TPO: variants seen among roughly 807,000 people sequenced by gnomAD.
The protein encoded by TPO is thyroid peroxidase.
Under a neutral mutation model 96.9 loss-of-function variants are expected in TPO, and 78 were observed. The ratio of observed to expected loss-of-function variants is 0.81; its 90% CI spans 0.67 to 0.97. The LOEUF (loss-of-function observed/expected upper bound fraction) is 0.97, where lower values mean the gene tolerates loss of function less well. Ranked by LOEUF, TPO falls within the 50% of genes least tolerant of loss-of-function variation. The pLI is 0.00. For missense variants in TPO, 1,252 were observed against 1,274.8 expected, an observed-to-expected ratio of 0.98 and a Z score of 0.27; for synonymous variants, 547 against 538.0, an observed-to-expected ratio of 1.02 and a Z score of -0.23.
At chr2:1,416,674 T>C (rs905219942) in intron 2 of TPO, among the ~76,000 whole-genome samples, 5 of 152,248 alleles carry the variant, frequency 3.3e-5, no homozygotes, top group African/African-American at 1.2e-4. Context: ...AGCTGACTTA[T>C]TGTTTGCTTG....
intron 2 of TPO, among the ~76,000 whole-genome samples, chr2:1,420,916 T>G (rs2148426893): frequency 6.6e-6 from 1 of 152,210 alleles, no homozygotes; most frequent in South Asian, 2.1e-4. Context: ...GGCTTCTTGC[T>G]TGGGGACTTG....
intron 1 of TPO, among the ~76,000 whole-genome samples, chr2:1,392,570 G>A (rs1662019136): frequency 1.3e-5 from 2 of 152,188 alleles, no homozygotes; most frequent in South Asian, 4.1e-4. Flanking sequence ...AATAGTGTCA[G>A]AAGGAATGGT....
intron 14 of TPO, among the ~76,000 whole-genome samples, chr2:1,515,233 G>A (rs1324365683): frequency 6.6e-6 from 1 of 152,220 alleles, no homozygotes; most frequent in Non-Finnish European, 1.5e-5. Context: ...CCATGGGGGT[G>A]AGAGCGAGTA....
intron 8 of TPO, chr2:1,477,962 T>G (rs1175459411): frequency 1.0e-6 from 1 of 984,770 alleles, no homozygotes; most frequent in Non-Finnish European, 1.2e-6. Flanking sequence ...ACCACCCAGG[T>G]TTCCCGGTGC....
At position 1,493,833 on chromosome 2, in the gene TPO, G is replaced by T. The variant is rs745626374; in HGVS notation, c.1800G>T (p.Leu600=). 1 of 1,614,124 alleles carries T rather than the reference G, an allele frequency of 6.2e-7. No homozygotes were observed. The highest frequency in any genetic ancestry group is 8.5e-7 in the Non-Finnish European group (1 of 1,180,012). ...ATGAGTGGAGGGAGTTCTGCGGCCT[G>T]CCTCGCCTGGAGACCCCCGCTGACC... ...GYNEWREFCG[L]PRLETPADLS... is the part of the protein sequence containing the mutation. Residue 600 remains leucine (L), a synonymous_variant, in exon 11 of 17, where the codon CTG becomes CTT. Transcript: ENST00000329066.
chr2:1,411,413 G>A (rs1442223538), upstream of TPO, among the ~76,000 whole-genome samples: 1 of 152,046 alleles, frequency 6.6e-6, no homozygotes, highest in East Asian at 1.9e-4. Context: ...GGTCTCCATC[G>A]GCACTCGGCA....
Position 1,540,803 on chromosome 2 carries a change from G to A in TPO, c.2748+80G>A, listed in dbSNP as rs772119349. On this transcript the variant is annotated intron_variant, in intron 16 of 16. Coordinates refer to ENST00000329066, the MANE Select transcript of TPO (RefSeq NM_001206744.2). ...TCTGGGTGTCGGAGCAGCTCTGCTGGGGCTCCCTGCATATTTCTGTTTACT... is the reference window on the plus strand; with the variant it reads ...TCTGGGTGTCGGAGCAGCTCTGCTGAGGCTCCCTGCATATTTCTGTTTACT... 8 of 1,609,962 alleles carry A rather than the reference G, an allele frequency of 5.0e-6. No individual in the cohort carries two copies. In the Admixed American group the frequency reaches 1.2e-4, roughly 24 times the overall value.
chr2:1,395,043 C>T (rs953888370), intron 1 of TPO, among the ~76,000 whole-genome samples: 2 of 151,902 alleles, frequency 1.3e-5, no homozygotes, highest in Non-Finnish European at 2.9e-5. Context: ...AAAAAAATTG[C>T]AGTTTTTTCT....
chr2:1,378,069 T>C (rs1661750514), intron 1 of TPO, among the ~76,000 whole-genome samples: 1 of 152,190 alleles, frequency 6.6e-6, no homozygotes, highest in African/African-American at 2.4e-5. Flanking sequence ...TGGTTCTCAT[T>C]GTCGCTTGTC....
At position 1,477,612 on chromosome 2, in the gene TPO, G is replaced by A. The variant is rs1670103784; in HGVS notation, c.1338+8G>A. ...GTGGGCGCTCTGCACCAGGTGCGCG[G>A]GGTGGTCCTGGGCGCCCTGGGTGGC... On this transcript the variant is annotated splice_region_variant and intron_variant, in intron 8 of 16. Coordinates refer to ENST00000329066, the MANE Select transcript of TPO (RefSeq NM_001206744.2). 6.6e-7 allele frequency: 1 copy of A among 1,505,784 alleles called. No homozygotes were observed. Among genetic ancestry groups the A allele is most frequent in the Non-Finnish European group, 8.8e-7 (1 of 1,133,572 alleles). 93.3% of individuals were successfully genotyped at this position (1,505,784 alleles called of 1,614,324 possible).
chr2:1,506,601 T>C (rs959887831), intron 14 of TPO, among the ~76,000 whole-genome samples: 1 of 152,336 alleles, frequency 6.6e-6, no homozygotes, highest in South Asian at 2.1e-4. Context: ...TGGTATCTCA[T>C]TGTGGTTTTG....
intron 5 of TPO, among the ~76,000 whole-genome samples, chr2:1,438,164 A>G (rs1442526921): frequency 6.6e-6 from 1 of 151,452 alleles, no homozygotes; most frequent in Non-Finnish European, 1.5e-5. Context: ...ACGTGCAGGT[A>G]CATGTTGAGG....
rs567553474 is a variant in TPO at position 1,517,290 on chromosome 2, G to A, written c.2618+308G>A. On this transcript the variant is annotated intron_variant, in intron 15 of 16. Transcript: ENST00000329066. ...TTGCATTGAAGTAGTCTCTTGTTAG[G>A]AGTAAAGATTCTTACAAAGGTTTCT... is the stretch of plus-strand genomic sequence containing the variant. Among the ~76,000 whole-genome samples the A allele has an allele frequency of 5.9e-5, 9 of 152,274 alleles. No homozygotes were observed. The South Asian group carries it at 1.5e-3, about 25-fold the overall frequency.
intron 5 of TPO, among the ~76,000 whole-genome samples, chr2:1,441,996 G>A (rs747398341): frequency 5.3e-5 from 8 of 152,142 alleles, no homozygotes; most frequent in East Asian, 1.9e-4. Context: ...TGATGTTCTC[G>A]TGATAGTGAA....
At chr2:1,409,787 A>AGT (rs1162865642), upstream of TPO, among the ~76,000 whole-genome samples, 1 of 104,236 alleles carries the variant, frequency 9.6e-6, no homozygotes, top group Non-Finnish European at 1.9e-5. Flanking sequence ...TACAAAAAAC[A>AGT]GTGCGCGCAC....
At chr2:1,426,955 G>T (rs2148464380) in intron 3 of TPO, among the ~76,000 whole-genome samples, 3 of 152,352 alleles carry the variant, frequency 2.0e-5, no homozygotes, top group Middle Eastern at 6.8e-3. Flanking sequence ...TTTGGAAAGT[G>T]ATAGGAAAGC....
chr2:1,541,199 A>G lies in TPO; in HGVS notation c.2748+476A>G, dbSNP rs556858262. The G allele has an allele frequency of 8.8e-4, 1,033 of 1,167,928 alleles. 1 individual carries two copies. The highest frequency in any genetic ancestry group is 1.0e-3 in the Non-Finnish European group (959 of 931,572). The allele number at this position is 1,167,928 out of a possible 1,614,324, so 72.3% of individuals were successfully genotyped here. On this transcript the variant is annotated intron_variant, in intron 16 of 16. Coordinates refer to ENST00000329066, the MANE Select transcript of TPO (RefSeq NM_001206744.2). ...TTGTGTAAGTCTGACTTTTGAACTG[A>G]GAGAAGCAGAGAGCAGAACAGTGGC...
At chr2:1,504,941 C>T (rs147702474) in intron 14 of TPO, among the ~76,000 whole-genome samples, 14 of 152,320 alleles carry the variant, frequency 9.2e-5, no homozygotes, top group South Asian at 8.3e-4. Flanking sequence ...GGCTCAAATG[C>T]AGCAAAGGTA....
At position 1,526,724 on chromosome 2, in the gene TPO, C is replaced by T. The variant is rs1356420952; in HGVS notation, c.2618+9742C>T. Among the ~76,000 whole-genome samples the T allele has an allele frequency of 8.2e-5, 11 of 133,682 alleles. 1 individual carries two copies. 87.7% of individuals were successfully genotyped at this position (133,682 alleles called of 152,430 possible). A position where few individuals can be genotyped will look rare whatever the true frequency, so the allele number is the denominator to read the frequency against. On this transcript the variant is annotated intron_variant, in intron 15 of 16. Coordinates refer to ENST00000329066, the MANE Select transcript of TPO (RefSeq NM_001206744.2). The stretch of plus-strand genomic sequence containing the variant: ...CTGTATGCAACCTCCCCAAATCCCA[C>T]CTAATGTGTGCAACATCCTCAAATC...
Sources: gnomAD v4.1 joint callset for allele counts (sites outside exome capture counted in the v4.1 genomes callset) on GRCh38, gnomAD v4.1.1 for gene constraint, MANE v1.5 for transcripts, NCBI Gene and HGNC (gene_info 2026-07-23, HGNC 2026-07-21) for gene names.